Variants in SP3 observed in about 807,000 individuals in gnomAD.
SP3 encodes Sp3 transcription factor.
A neutral mutation model predicts 70.3 loss-of-function variants in SP3; 10 were observed. The observed-to-expected ratio is 0.14, with a 90% CI of 0.09 to 0.24. SP3 has a LOEUF of 0.24. SP3 is among the 10% of genes least tolerant of loss of function. The pLI is 1.00. For missense variants in SP3, 825 were observed against 914.6 expected, an observed-to-expected ratio of 0.90 and a Z score of 1.26; for synonymous variants, 402 against 333.5, an observed-to-expected ratio of 1.21 and a Z score of -2.24.
chr2:173,937,656 A>T (rs535491430), intron 4 of SP3, among the ~76,000 whole-genome samples: 1 of 152,326 alleles, frequency 6.6e-6, no homozygotes, highest in Admixed American at 6.5e-5. Flanking sequence ...TTTTAATCCA[A>T]ATTTTCTACT....
chr2:173,912,105 C>A (rs1054174031), intron 6 of SP3, among the ~76,000 whole-genome samples: 1 of 152,220 alleles, frequency 6.6e-6, no homozygotes, highest in African/African-American at 2.4e-5. Context: ...AGGCATGGGC[C>A]AGCACGCCCT....
At chr2:173,959,516 A>G (rs1690994503) in intron 3 of SP3, among the ~76,000 whole-genome samples, 1 of 152,034 alleles carries the variant, frequency 6.6e-6, no homozygotes, top group Non-Finnish European at 1.5e-5. Context: ...ACTTGAGGTC[A>G]GGAGTTTGAG....
intron 4 of SP3, among the ~76,000 whole-genome samples, chr2:173,946,774 T>G (rs937379408): frequency 6.8e-6 from 1 of 146,822 alleles, no homozygotes; most frequent in Non-Finnish European, 1.5e-5. Flanking sequence ...CAGTGTGGAG[T>G]GCAGTGGCAC....
intron 4 of SP3, among the ~76,000 whole-genome samples, chr2:173,954,155 T>C (rs915792101): frequency 4.6e-5 from 7 of 152,246 alleles, no homozygotes; most frequent in African/African-American, 1.7e-4. Flanking sequence ...AATCAAATGT[T>C]ATCTAGACAG....
In SP3 at chr2:173,908,155, GCTTGT is replaced by G. The variant is rs1292851565; in HGVS notation, c.*1781_*1785del. ...AGTAACTCCTGCCATGGTTACCAAC[GCTTGT>G]CTTATCATTTTCAGGAGTCTTAATG... On this transcript the variant is annotated 3_prime_UTR_variant, in exon 7 of 7. Coordinates refer to ENST00000310015, the MANE Select transcript of SP3 (RefSeq NM_003111.5). 2.0e-5 allele frequency: 3 copies of G among 151,994 alleles called. No homozygotes were observed. Among genetic ancestry groups the G allele is most frequent in the Admixed American group, 6.5e-5 (1 of 15,270 alleles). The allele number at this position is 151,994 out of a possible 1,614,324, so 9.4% of individuals were successfully genotyped here. A position where few individuals can be genotyped will look rare whatever the true frequency, so the allele number is the denominator to read the frequency against.
chr2:173,926,659 C>A (rs1350084292), intron 4 of SP3, among the ~76,000 whole-genome samples: 2 of 151,654 alleles, frequency 1.3e-5, no homozygotes, highest in African/African-American at 4.9e-5. Context: ...GCCACAATGC[C>A]CAGATAATTT....
chr2:173,953,784 C>CAA (rs34063529), intron 4 of SP3, among the ~76,000 whole-genome samples: 2 of 125,736 alleles, frequency 1.6e-5, no homozygotes, highest in African/African-American at 5.5e-5. Context: ...CAAAACAAAA[C>CAA]AAAAAAAAAA....
At chr2:173,933,638 T>TTATATA (rs60102426) in intron 4 of SP3, among the ~76,000 whole-genome samples, 6,634 of 86,240 alleles carry the variant, frequency 0.077, 396 homozygotes, top group Non-Finnish European at 0.1. Context: ...TTATAAAACT[T>TTATATA]TATATATATA....
intron 3 of SP3, among the ~76,000 whole-genome samples, chr2:173,960,443 T>C (rs948990005): frequency 2.6e-5 from 4 of 152,112 alleles, no homozygotes; most frequent in Non-Finnish European, 5.9e-5. Context: ...CTTAGGCAAA[T>C]ATTCAAGTTT....
At chr2:173,960,511 C>T (rs1031189566) in intron 3 of SP3, among the ~76,000 whole-genome samples, 2 of 152,120 alleles carry the variant, frequency 1.3e-5, no homozygotes, top group Non-Finnish European at 2.9e-5. Context: ...TTACCCTACC[C>T]AATGAATTAG....
intron 3 of SP3, among the ~76,000 whole-genome samples, chr2:173,962,636 T>C (rs963690062): frequency 6.6e-6 from 1 of 151,556 alleles, no homozygotes; most frequent in Non-Finnish European, 1.5e-5. Flanking sequence ...TAGCTTAACA[T>C]TGGTTTAACT....
Position 173,918,597 on chromosome 2 carries a change from C to T in SP3, c.1828G>A (p.Gly610Arg). The change falls in exon 5 of 7, where the codon GGA becomes AGA. Residue 610 changes from glycine (G) to arginine (R), a missense_variant. By Grantham distance (125) the Gly-to-Arg change is moderately radical (BLOSUM62 -2). Transcript: ENST00000310015. The stretch of plus-strand genomic sequence containing the variant: ...ATGTGTTTCATGTATGCATACCTTC[C>T]ACCACCTTCTTTACAGTTGGGACAG... Reference protein sequence around the residue: ...CTCPNCKEGGGRGTNLGKKKQ... With the variant: ...CTCPNCKEGGRRGTNLGKKKQ... 6.2e-7 allele frequency: 1 copy of T among 1,612,842 alleles called. No individual in the cohort carries two copies. The highest frequency in any genetic ancestry group is 8.5e-7 in the Non-Finnish European group (1 of 1,179,332).
At chr2:173,931,639 G>T (rs916696629) in intron 4 of SP3, among the ~76,000 whole-genome samples, 7 of 152,110 alleles carry the variant, frequency 4.6e-5, no homozygotes, top group Admixed American at 2.0e-4. Context: ...ACCACGCCCA[G>T]CCGGAAAATC....
chr2:173,931,163 C>A (rs1216932058), intron 4 of SP3, among the ~76,000 whole-genome samples: 1 of 152,160 alleles, frequency 6.6e-6, no homozygotes, highest in Non-Finnish European at 1.5e-5. Flanking sequence ...ATCATCTGAG[C>A]CTTCAGTAAA....
At chr2:173,942,068 A>C (rs553983739) in intron 4 of SP3, among the ~76,000 whole-genome samples, 36 of 152,316 alleles carry the variant, frequency 2.4e-4, no homozygotes, top group Admixed American at 1.6e-3. Flanking sequence ...ATGATTTCCC[A>C]AGTTCTTCTC....
At chr2:173,935,216 GAC>G (rs1275022059) in intron 4 of SP3, among the ~76,000 whole-genome samples, 3 of 152,138 alleles carry the variant, frequency 2.0e-5, no homozygotes, top group African/African-American at 4.8e-5. Flanking sequence ...GCCTGGGTGA[GAC>G]AGTGAGACCC....
chr2:173,957,839 C>T (rs561497868), intron 3 of SP3, among the ~76,000 whole-genome samples: 4 of 152,188 alleles, frequency 2.6e-5, no homozygotes, highest in Admixed American at 6.5e-5. Context: ...TATAAAATAG[C>T]GATCTGTCTT....
intron 3 of SP3, among the ~76,000 whole-genome samples, chr2:173,956,650 A>G (rs528037139): frequency 2.0e-5 from 3 of 152,248 alleles, no homozygotes; most frequent in Non-Finnish European, 2.9e-5. Context: ...TTATTGCTAT[A>G]AGCCTAAAAT....
intron 6 of SP3, among the ~76,000 whole-genome samples, chr2:173,910,509 A>G (rs1198817023): frequency 1.3e-5 from 2 of 152,216 alleles, no homozygotes; most frequent in African/African-American, 4.8e-5. Flanking sequence ...TGGATATTCA[A>G]ATAAGACTTT....
Sources: gnomAD v4.1 joint callset for allele counts (sites outside exome capture counted in the v4.1 genomes callset) on GRCh38, gnomAD v4.1.1 for gene constraint, MANE v1.5 for transcripts, NCBI Gene and HGNC (gene_info 2026-07-23, HGNC 2026-07-21) for gene names.